Variants in RRP12 observed in about 807,000 individuals in gnomAD.
The protein encoded by RRP12 is ribosomal RNA processing 12 homolog.
In RRP12, 78 loss-of-function variants were observed where a neutral mutation model predicts 157.3. The ratio of observed to expected loss-of-function variants is 0.50; its 90% CI spans 0.41 to 0.60. RRP12 has a LOEUF of 0.60. Ranked by LOEUF, RRP12 falls within the 20% of genes least tolerant of loss-of-function variation. RRP12 has a pLI of 0.00. For missense variants in RRP12, 1,521 were observed against 1,679.9 expected, an observed-to-expected ratio of 0.91 and a Z score of 1.65; for synonymous variants, 726 against 670.9, an observed-to-expected ratio of 1.08 and a Z score of -1.27.
chr10:97,357,273 C>T, intron 33 of RRP12, 77 bp from the exon 34 acceptor site: 4 of 891,810 alleles, frequency 4.5e-6, no homozygotes, highest in Non-Finnish European at 7.1e-6. Context: ...TGATGGCTCA[C>T]CCCCAGCGCC....
At position 97,373,126 on chromosome 10, in the gene RRP12, C is replaced by T. The variant is rs143637567; in HGVS notation, c.2101G>A (p.Val701Met). 273 of 1,614,100 alleles carry T rather than the reference C, an allele frequency of 1.7e-4. 2 individuals carry two copies. In the African/African-American group the frequency reaches 2.9e-3, roughly 17 times the overall value. Residue 701 changes from valine (V) to methionine (M), a missense_variant, in exon 18 of 34, where the codon GTG becomes ATG. Physicochemically the swap from Val to Met is conservative, Grantham distance 21. Transcript: ENST00000370992. Reference sequence around the variant, plus strand: ...GGGGCTGGAGTGTCCCCGGCTGCCACGGGCTGCCCATACAGGTTGAAGAGG... The same window carrying T: ...GGGGCTGGAGTGTCCCCGGCTGCCATGGGCTGCCCATACAGGTTGAAGAGG... ...PILFNLYGQP[V>M]AAGDTPAPRR...
At chr10:97,379,805 T>C (rs775052552) in intron 13 of RRP12, 35 bp from the exon 14 acceptor site, 40 of 1,564,664 alleles carry the variant, frequency 2.6e-5, no homozygotes, top group Non-Finnish European at 3.2e-5. Flanking sequence ...CATCAAGACA[T>C]GCTCGAAAGC....
chr10:97,368,490 T>C (rs1356448019), intron 25 of RRP12, among the ~76,000 whole-genome samples: 2 of 151,676 alleles, frequency 1.3e-5, no homozygotes, highest in African/African-American at 4.9e-5. Context: ...CCCGAGTAGC[T>C]GGGATTGCAG....
chr10:97,357,234 A>C, intron 33 of RRP12, 38 bp from the exon 34 acceptor site: 1 of 1,347,154 alleles, frequency 7.4e-7, no homozygotes. Context: ...CATCTGGCTG[A>C]GAATAGGAGG....
At position 97,356,854 on chromosome 10, in the gene RRP12, T is replaced by A. The variant is rs1843724771; in HGVS notation, c.*240A>T. ...CTGGGCAGAAAGCAAAGGTGCCTCA[T>A]GGCACCTACTCAGAGGCACTGAGGC... On this transcript the variant is annotated 3_prime_UTR_variant, in exon 34 of 34. Transcript: ENST00000370992. 2.3e-6 allele frequency: 1 copy of A among 440,568 alleles called. No individual in the cohort carries two copies. The highest frequency in any genetic ancestry group is 2.0e-5 in the African/African-American group (1 of 48,856). The allele number at this position is 440,568 out of a possible 1,614,324, so 27.3% of individuals were successfully genotyped here.
At chr10:97,359,660 A>G (rs1843793493) in intron 31 of RRP12, among the ~76,000 whole-genome samples, 1 of 152,178 alleles carries the variant, frequency 6.6e-6, no homozygotes, top group African/African-American at 2.4e-5. Context: ...CCCATTCCTC[A>G]TGTTTTTGCA....
rs752009594 is a variant in RRP12, at chr10:97,370,563, G to A, written c.2584-3C>T. 2.5e-6 allele frequency: 4 copies of A among 1,608,888 alleles called. No individual in the cohort carries two copies. The Admixed American group carries it at 6.7e-5, about 27-fold the overall frequency. On this transcript the variant is annotated splice_polypyrimidine_tract_variant and splice_region_variant and intron_variant, in intron 22 of 33. Coordinates refer to ENST00000370992, the MANE Select transcript of RRP12 (RefSeq NM_015179.4). ...ACCTCCTTGGTGCACAGGATCACCT[G>A]GCCAAGACAACTCCATCAGCATCTG...
chr10:97,366,032 C>T (rs772934688), intron 29 of RRP12, 76 bp downstream of exon 29: 104 of 1,588,982 alleles, frequency 6.5e-5, no homozygotes, highest in Non-Finnish European at 8.2e-5. Context: ...CTGTTTTTAG[C>T]CACGCTTCCT....
intron 4 of RRP12, 170 bp downstream of exon 4, chr10:97,393,514 A>T (rs1476142274): frequency 1.4e-6 from 1 of 694,644 alleles, no homozygotes; most frequent in South Asian, 1.5e-5. Context: ...TTCTCACTAG[A>T]GGCCTACGAC....
intron 30 of RRP12, among the ~76,000 whole-genome samples, chr10:97,360,822 G>A (rs1434571196): frequency 3.3e-5 from 5 of 152,148 alleles, no homozygotes; most frequent in Non-Finnish European, 7.3e-5. Flanking sequence ...GTGCAGAAGA[G>A]AAGCTCTGGC....
intron 30 of RRP12, among the ~76,000 whole-genome samples, chr10:97,363,550 C>T (rs114359046): frequency 0.015 from 2,219 of 152,290 alleles, 50 homozygotes; most frequent in African/African-American, 0.049. Context: ...TGCTCCCCTA[C>T]GGTGGATGCC....
At chr10:97,362,101 A>C (rs1843858312) in intron 30 of RRP12, among the ~76,000 whole-genome samples, 1 of 127,202 alleles carries the variant, frequency 7.9e-6, no homozygotes, top group South Asian at 2.7e-4. Context: ...GTGAGACTTC[A>C]TCTCAAAAAA....
At position 97,400,534 on chromosome 10, in the gene RRP12, C is replaced by T; in HGVS notation, c.140G>A (p.Gly47Glu). Residue 47 changes from glycine to glutamate, a missense_variant and splice_region_variant, in exon 2 of 34, where the codon GGA becomes GAA. Transcript: ENST00000370992. ...ARSRFFSRPS[G>E]RSDLTVDAVK... ...AGCATCGACTGTCAGGTCACTCCTT[C>T]CTGAGAGCCAGAGGCACAAGATAAG... 2 of 1,612,548 alleles carry T rather than the reference C, an allele frequency of 1.2e-6. No homozygotes were observed. Among genetic ancestry groups the T allele is most frequent in the Non-Finnish European group, 1.7e-6 (2 of 1,179,052 alleles).
At position 97,373,039 on chromosome 10, in the gene RRP12, G is replaced by A; in HGVS notation, c.2181+7C>T. On this transcript the variant is annotated splice_region_variant and intron_variant, in intron 18 of 33. Coordinates refer to ENST00000370992, the MANE Select transcript of RRP12 (RefSeq NM_015179.4). ...TCCTCCCTCCTTCCCTCCCTTCCGT[G>A]GCTCACCTGAGTGTCAGTGATGGTG... 6.2e-7 allele frequency: 1 copy of A among 1,605,768 alleles called. No homozygotes were observed. Among genetic ancestry groups the A allele is most frequent in the Middle Eastern group, 1.7e-4 (1 of 6,028 alleles).
intron 10 of RRP12, among the ~76,000 whole-genome samples, chr10:97,383,731 G>A (rs187162596): frequency 8.5e-5 from 13 of 152,228 alleles, no homozygotes; most frequent in Admixed American, 5.2e-4. Flanking sequence ...ACGGAACCTG[G>A]AGAACGGAGC....
chr10:97,363,896 A>G lies in RRP12; in HGVS notation c.3525T>C (p.Asp1175=), dbSNP rs374639098. ...CTTCCATTGGGTCAGCCATCTCTTC[A>G]TCTTCGCCTGGAGCCAAAAAAGAGA... ...MEEEEGAKGE[D]EEMADPMEDV... is the part of the protein sequence containing the mutation. The change falls in exon 30 of 34, where the codon GAT becomes GAC. Residue 1175 remains aspartate, a synonymous_variant. Coordinates refer to ENST00000370992, the MANE Select transcript of RRP12 (RefSeq NM_015179.4). 4.3e-5 allele frequency: 69 copies of G among 1,613,914 alleles called. No homozygotes were observed. The highest frequency in any genetic ancestry group is 5.6e-5 in the Non-Finnish European group (66 of 1,179,938).
chr10:97,395,378 CCT>C (rs763755022), intron 3 of RRP12, among the ~76,000 whole-genome samples: 3 of 149,940 alleles, frequency 2.0e-5, no homozygotes, highest in Admixed American at 6.7e-5. Context: ...ATGGTGAAAC[CCT>C]GTCTCTACTA....
intron 30 of RRP12, among the ~76,000 whole-genome samples, chr10:97,362,476 GC>G (rs1843870661): frequency 6.6e-6 from 1 of 152,162 alleles, no homozygotes; most frequent in South Asian, 2.1e-4. Context: ...AAAGACTTGA[GC>G]CCAGGCAGTC....
intron 2 of RRP12, among the ~76,000 whole-genome samples, chr10:97,399,554 GATAAA>G (rs1336235119): frequency 6.6e-6 from 1 of 151,396 alleles, no homozygotes; most frequent in East Asian, 1.9e-4. Context: ...TTATAGTATA[GATAAA>G]ATAATAAAAG....
Sources: gnomAD v4.1 joint callset for allele counts (sites outside exome capture counted in the v4.1 genomes callset) on GRCh38, gnomAD v4.1.1 for gene constraint, MANE v1.5 for transcripts, NCBI Gene and HGNC (gene_info 2026-07-23, HGNC 2026-07-21) for gene names.